Variants in LDLRAD4 observed in about 807,000 individuals in gnomAD.
LDLRAD4 encodes the protein low density lipoprotein receptor class A domain containing 4.
A neutral mutation model predicts 17.0 loss-of-function variants in LDLRAD4; 5 were observed. The ratio of observed to expected loss-of-function variants is 0.29; its 90% CI spans 0.15 to 0.62. The LOEUF (loss-of-function observed/expected upper bound fraction) is 0.62, where lower values mean the gene tolerates loss of function less well. Among genes scored for constraint, LDLRAD4 ranks in the 20% least tolerant of loss-of-function variants. The pLI, the probability that LDLRAD4 is intolerant of heterozygous loss-of-function variation, is 0.84. For synonymous variants in LDLRAD4, 168 were observed against 171.8 expected, an observed-to-expected ratio of 0.98 and a Z score of 0.17; for missense variants, 340 against 424.7, an observed-to-expected ratio of 0.80 and a Z score of 1.75.
chr18:13,371,689 C>T (rs191627443), intron 1 of LDLRAD4, among the ~76,000 whole-genome samples: 12 of 151,574 alleles, frequency 7.9e-5, no homozygotes, highest in African/African-American at 2.7e-4. Flanking sequence ...CGCCTGAACC[C>T]GAGAGGCGGA....
intron 1 of LDLRAD4, among the ~76,000 whole-genome samples, chr18:13,353,994 T>C (rs1024285176): frequency 8.5e-5 from 13 of 152,156 alleles, no homozygotes; most frequent in African/African-American, 3.1e-4. Flanking sequence ...CTCCAGATAA[T>C]ATTCTTTTTT....
chr18:13,267,341 G>C (rs1198115299), intron 1 of LDLRAD4, among the ~76,000 whole-genome samples: 1 of 152,190 alleles, frequency 6.6e-6, no homozygotes, highest in Non-Finnish European at 1.5e-5. Flanking sequence ...TTTTTAGTGT[G>C]TGCACACAGG....
chr18:13,547,417 T>C (rs908579035), intron 3 of LDLRAD4, among the ~76,000 whole-genome samples: 10 of 152,212 alleles, frequency 6.6e-5, no homozygotes, highest in African/African-American at 2.4e-4. Context: ...GGGTGTTGCT[T>C]CACCCGCTGG....
intron 2 of LDLRAD4, among the ~76,000 whole-genome samples, chr18:13,393,020 C>T (rs1019356622): frequency 6.6e-6 from 1 of 152,158 alleles, no homozygotes; most frequent in African/African-American, 2.4e-5. Context: ...CCCCTGTGGG[C>T]TCCGAGTGAA....
Position 13,645,489 on chromosome 18 carries a change from A to T in LDLRAD4, c.753A>T (p.Pro251=), listed in dbSNP as rs774997788. 1 of 1,610,506 alleles carries T rather than the reference A, an allele frequency of 6.2e-7. No homozygotes were observed. The highest frequency in any genetic ancestry group is 1.1e-5 in the South Asian group (1 of 90,692). Residue 251 remains proline (P), a synonymous_variant, in exon 6 of 6, where the codon CCA becomes CCT. Coordinates refer to ENST00000359446, the Ensembl canonical transcript of LDLRAD4. The surrounding 1 kb of genome is among the most constrained non-coding windows in gnomAD (Gnocchi z 5.7). ...GCAGTAACGGGAGGATGGAGGGGCC[A>T]CCCCCCACATACAGCGAGGTGATGG... is the stretch of plus-strand genomic sequence containing the variant.
intron 1 of LDLRAD4, among the ~76,000 whole-genome samples, chr18:13,325,642 C>T (rs1342377040): frequency 5.3e-5 from 8 of 152,224 alleles, no homozygotes; most frequent in Non-Finnish European, 1.0e-4. Context: ...CTTTCCAGGC[C>T]GATCCCGGCA....
intron 3 of LDLRAD4, chr18:13,611,466 A>C: frequency 1.0e-6 from 1 of 985,266 alleles, no homozygotes; most frequent in Non-Finnish European, 1.2e-6. Flanking sequence ...TTTTCTTCAC[A>C]CAGCCTGGGG....
At chr18:13,511,916 C>T (rs752035704) in intron 3 of LDLRAD4, among the ~76,000 whole-genome samples, 4 of 152,194 alleles carry the variant, frequency 2.6e-5, no homozygotes, top group South Asian at 4.1e-4. Flanking sequence ...GTATTTTTAG[C>T]GTCACTGGCA....
chr18:13,435,158 C>T (rs9953218), intron 2 of LDLRAD4, among the ~76,000 whole-genome samples: 14,838 of 152,228 alleles, frequency 0.097, 1,497 homozygotes, highest in East Asian at 0.34. Flanking sequence ...ACAGCCTGTC[C>T]GGAGTTGGGA....
chr18:13,493,604 A>G (rs2093402372), intron 3 of LDLRAD4, among the ~76,000 whole-genome samples: 1 of 152,222 alleles, frequency 6.6e-6, no homozygotes, highest in Non-Finnish European at 1.5e-5. Context: ...ATATTTTCCA[A>G]TATTTGAATG....
At chr18:13,569,343 T>G (rs561747757) in intron 3 of LDLRAD4, among the ~76,000 whole-genome samples, 2 of 152,308 alleles carry the variant, frequency 1.3e-5, no homozygotes, top group South Asian at 4.1e-4. Flanking sequence ...TAAAACACTC[T>G]CTGTACTCTT....
chr18:13,226,833 T>A (rs1478625607), intron 1 of LDLRAD4, among the ~76,000 whole-genome samples: 1 of 152,204 alleles, frequency 6.6e-6, no homozygotes, highest in East Asian at 1.9e-4. Flanking sequence ...AATTATAGGA[T>A]ACGATGGGCA....
intron 3 of LDLRAD4, among the ~76,000 whole-genome samples, chr18:13,448,557 T>C (rs1026287821): frequency 6.6e-6 from 1 of 151,974 alleles, no homozygotes; most frequent in African/African-American, 2.4e-5. Context: ...GTTTATGTGA[T>C]GTCAGAAGTG....
intron 1 of LDLRAD4, among the ~76,000 whole-genome samples, chr18:13,327,132 G>A (rs965369492): frequency 1.3e-5 from 2 of 151,994 alleles, no homozygotes; most frequent in Admixed American, 6.6e-5. Flanking sequence ...TCTGTGGGCC[G>A]TGGACTCTGC....
In LDLRAD4 at chr18:13,576,437, A is replaced by AAAAAG. The variant is rs1555750703; in HGVS notation, c.182-44677_182-44676insAGAAA. The stretch of plus-strand genomic sequence containing the variant: ...ACTCTGTCTCAAAAAAAAAAAAAAA[A>AAAAAG]AAAGAAAGAAAGAAAGAAAGAAATA... On this transcript the variant is annotated intron_variant, in intron 3 of 5. Transcript: ENST00000359446. Among the ~76,000 whole-genome samples the AAAAAG allele has an allele frequency of 2.2e-3, 185 of 83,652 alleles. 2 individuals carry two copies. Among genetic ancestry groups the AAAAAG allele is most frequent in the African/African-American group, 5.4e-3 (178 of 32,672 alleles). 54.9% of individuals were successfully genotyped at this position (83,652 alleles called of 152,430 possible). A position where few individuals can be genotyped will look rare whatever the true frequency, so the allele number is the denominator to read the frequency against.
intron 3 of LDLRAD4, among the ~76,000 whole-genome samples, chr18:13,461,656 G>A (rs1223850987): frequency 6.6e-6 from 1 of 152,164 alleles, no homozygotes; most frequent in Non-Finnish European, 1.5e-5. Flanking sequence ...GTTACTTGGT[G>A]TACACCCTAT....
At chr18:13,264,633 T>C (rs2044111795) in intron 1 of LDLRAD4, among the ~76,000 whole-genome samples, 1 of 152,268 alleles carries the variant, frequency 6.6e-6, no homozygotes, top group South Asian at 2.1e-4. Context: ...GGGACTGCCA[T>C]GCAGGTTGAA....
At chr18:13,381,075 A>ATTTTT (rs2085322524) in intron 1 of LDLRAD4, among the ~76,000 whole-genome samples, 1 of 72,494 alleles carries the variant, frequency 1.4e-5, no homozygotes, top group African/African-American at 4.4e-5. Flanking sequence ...GTTTCTCTTT[A>ATTTTT]GTTTTTTTTT....
intron 3 of LDLRAD4, chr18:13,613,883 C>G (rs992291731): frequency 2.6e-5 from 4 of 152,358 alleles, no homozygotes; most frequent in Non-Finnish European, 5.9e-5. Flanking sequence ...TCATAGGGAC[C>G]GTTTCCTCAT....
Sources: gnomAD v4.1 joint callset for allele counts (sites outside exome capture counted in the v4.1 genomes callset) on GRCh38, gnomAD v4.1.1 for gene constraint, Gnocchi (gnomAD v3.1) non-coding constraint, MANE v1.5 for transcripts, NCBI Gene and HGNC (gene_info 2026-07-23, HGNC 2026-07-21) for gene names.